Variants in PLEKHA2 observed in about 807,000 individuals in gnomAD.
The protein encoded by PLEKHA2 is pleckstrin homology domain-containing family A member 2.
PLEKHA2 carries 28 observed loss-of-function variants against 53.2 expected under a neutral mutation model. That is an observed-to-expected ratio of 0.53 (90% CI 0.39 to 0.72). The LOEUF is 0.72. PLEKHA2 is among the 30% of genes least tolerant of loss of function. The pLI, the probability that PLEKHA2 is intolerant of heterozygous loss-of-function variation, is 0.00. For missense variants in PLEKHA2, 426 were observed against 537.9 expected (o/e 0.79, Z 2.06); for synonymous variants, 193 against 196.4 (o/e 0.98, Z 0.14).
At chr8:38,941,117 C>A (rs150343727) in intron 3 of PLEKHA2, among the ~76,000 whole-genome samples, 1 of 149,568 alleles carries the variant, frequency 6.7e-6, no homozygotes, top group Non-Finnish European at 1.5e-5. Flanking sequence ...AGTGCAATGG[C>A]GGGATCTCAG....
rs961843410 is a variant in PLEKHA2, at chr8:38,904,557, C to T, written c.-24+3112C>T. On this transcript the variant is annotated intron_variant, in intron 1 of 11. Transcript: ENST00000617275. ...AGAGGCAGCTTGCCTTGGAAACTGA[C>T]GAGCATGTCTAGGTTTCTGTTAACT... 1.1e-4 allele frequency among the ~76,000 whole-genome samples: 17 copies of T among 152,220 alleles called. 1 individual carries two copies. The highest frequency in any genetic ancestry group is 9.8e-4 in the Admixed American group (15 of 15,276).
At chr8:38,923,347 G>C (rs1388636845) in intron 2 of PLEKHA2, among the ~76,000 whole-genome samples, 1 of 152,140 alleles carries the variant, frequency 6.6e-6, no homozygotes, top group Non-Finnish European at 1.5e-5. Context: ...CACTCTAGGT[G>C]ATCCTTTCAC....
At chr8:38,902,218 T>TTG (rs1554552754) in intron 1 of PLEKHA2, 2 of 100,194 alleles carry the variant, frequency 2.0e-5, no homozygotes, top group Non-Finnish European at 1.9e-5. Flanking sequence ...AAAAGAAGGG[T>TTG]GTGGGGGGGG....
intron 10 of PLEKHA2, among the ~76,000 whole-genome samples, chr8:38,962,809 C>G (rs1835062926): frequency 6.6e-6 from 1 of 152,216 alleles, no homozygotes; most frequent in Non-Finnish European, 1.5e-5. Flanking sequence ...AATAAGTGGA[C>G]TCAAGTGAGT....
intron 2 of PLEKHA2, among the ~76,000 whole-genome samples, chr8:38,923,514 G>T (rs879445916): frequency 4.6e-5 from 7 of 152,118 alleles, no homozygotes; most frequent in Non-Finnish European, 8.8e-5. Flanking sequence ...GCCTGTAGGT[G>T]ATCCTTACGT....
intron 3 of PLEKHA2, among the ~76,000 whole-genome samples, chr8:38,938,979 C>T (rs1834549127): frequency 6.6e-6 from 1 of 151,650 alleles, no homozygotes; most frequent in South Asian, 2.1e-4. Flanking sequence ...TCTCGCCTCA[C>T]TTCAACCTTT....
rs1835254031 is a variant in PLEKHA2 at position 38,971,777 on chromosome 8, AC to A, written c.*1995del. On this transcript the variant is annotated 3_prime_UTR_variant, in exon 12 of 12. Coordinates refer to ENST00000617275, the MANE Select transcript of PLEKHA2 (RefSeq NM_021623.2). ...GAGACCGCGGTGAAACCCCGTCTCT[AC>A]TAAAAATACGAAAAAAAAATTAGCC... 6.6e-6 allele frequency: 1 copy of A among 152,194 alleles called. No homozygotes were observed. The highest frequency in any genetic ancestry group is 1.5e-5 in the Non-Finnish European group (1 of 68,064). The allele number at this position is 152,194 out of a possible 1,614,324, so 9.4% of individuals were successfully genotyped here. A position where few individuals can be genotyped will look rare whatever the true frequency, so the allele number is the denominator to read the frequency against.
intron 4 of PLEKHA2, among the ~76,000 whole-genome samples, chr8:38,945,320 G>A (rs1376958815): frequency 6.6e-6 from 1 of 152,136 alleles, no homozygotes; most frequent in East Asian, 1.9e-4. Context: ...CGCATAGTAG[G>A]TGCTCAGTAA....
chr8:38,972,714 T>C lies in PLEKHA2; in HGVS notation c.*2931T>C, dbSNP rs1041151403. 8 of 151,938 alleles carry C rather than the reference T, an allele frequency of 5.3e-5. No individual in the cohort carries two copies. The highest frequency in any genetic ancestry group is 1.9e-4 in the African/African-American group (8 of 41,348). 9.4% of individuals were successfully genotyped at this position (151,938 alleles called of 1,614,324 possible). ...AATTGAACCAAATGGAAAAAATAGG[T>C]TGGGGATGCAGTATAGATTAGTGAC... On this transcript the variant is annotated 3_prime_UTR_variant, in exon 12 of 12. Transcript: ENST00000617275.
intron 2 of PLEKHA2, among the ~76,000 whole-genome samples, chr8:38,924,757 C>T (rs73615958): frequency 0.081 from 12,345 of 152,172 alleles, 680 homozygotes; most frequent in East Asian, 0.17. Flanking sequence ...GATGGACATA[C>T]GGTGGGGGTG....
chr8:38,943,542 A>T lies in PLEKHA2; in HGVS notation c.199-247A>T, dbSNP rs148953541. 4.9e-3 allele frequency among the ~76,000 whole-genome samples: 752 copies of T among 152,260 alleles called. 7 individuals carry two copies. The highest frequency in any genetic ancestry group is 0.018 in the African/African-American group (727 of 41,534). ...TTTTTGTAAAGATGAACAGACCTCA[A>T]GATAATGGTTATCTCTGACGGTGGG... On this transcript the variant is annotated intron_variant, in intron 3 of 11. Coordinates refer to ENST00000617275, the MANE Select transcript of PLEKHA2 (RefSeq NM_021623.2).
At chr8:38,932,129 T>C (rs913538701) in intron 2 of PLEKHA2, among the ~76,000 whole-genome samples, 2 of 152,134 alleles carry the variant, frequency 1.3e-5, no homozygotes, top group Non-Finnish European at 2.9e-5. Flanking sequence ...TACCTGGGAC[T>C]ACAAATGTGC....
chr8:38,905,265 C>T (rs1278248307), intron 1 of PLEKHA2, among the ~76,000 whole-genome samples: 1 of 152,030 alleles, frequency 6.6e-6, no homozygotes, highest in Admixed American at 6.6e-5. Flanking sequence ...TAAGACCAGC[C>T]TGGGGAACAT....
intron 1 of PLEKHA2, among the ~76,000 whole-genome samples, chr8:38,905,360 T>C (rs1833854936): frequency 1.3e-5 from 2 of 151,914 alleles, no homozygotes; most frequent in African/African-American, 4.8e-5. Context: ...CGGGAGGCTA[T>C]AGCAGGAGGA....
intron 3 of PLEKHA2, among the ~76,000 whole-genome samples, chr8:38,940,300 G>A (rs1024340448): frequency 1.3e-5 from 2 of 152,094 alleles, no homozygotes; most frequent in Non-Finnish European, 2.9e-5. Context: ...TTGGGAGGCT[G>A]AGGCAGGAGA....
chr8:38,908,614 A>T (rs2152364144), intron 1 of PLEKHA2, among the ~76,000 whole-genome samples: 1 of 152,378 alleles, frequency 6.6e-6, no homozygotes, highest in South Asian at 2.1e-4. Flanking sequence ...TTCCACTCAT[A>T]GCCCGTAGAT....
At chr8:38,945,491 C>T (rs972485425) in intron 4 of PLEKHA2, among the ~76,000 whole-genome samples, 6 of 152,176 alleles carry the variant, frequency 3.9e-5, no homozygotes, top group Admixed American at 2.0e-4. Context: ...GCTCATTCTT[C>T]TATTTCTTGC....
chr8:38,955,799 T>C (rs1438350844), intron 9 of PLEKHA2, among the ~76,000 whole-genome samples: 1 of 152,206 alleles, frequency 6.6e-6, no homozygotes, highest in Non-Finnish European at 1.5e-5. Flanking sequence ...CATCTGATGG[T>C]ACAGTTTTGC....
chr8:38,932,130 A>G (rs1834404924), intron 2 of PLEKHA2, among the ~76,000 whole-genome samples: 2 of 152,102 alleles, frequency 1.3e-5, no homozygotes, highest in Admixed American at 6.6e-5. Flanking sequence ...ACCTGGGACT[A>G]CAAATGTGCA....
Sources: gnomAD v4.1 joint callset for allele counts (sites outside exome capture counted in the v4.1 genomes callset) on GRCh38, gnomAD v4.1.1 for gene constraint, MANE v1.5 for transcripts, NCBI Gene and HGNC (gene_info 2026-07-23, HGNC 2026-07-21) for gene names.